LUC7L2: variants seen among roughly 807,000 people sequenced by gnomAD.
LUC7L2 encodes the protein putative RNA-binding protein Luc7-like 2.
A neutral mutation model predicts 52.8 loss-of-function variants in LUC7L2; 25 were observed. That is an observed-to-expected ratio of 0.47 (90% CI 0.34 to 0.66). LUC7L2 has a LOEUF of 0.66. LUC7L2 is among the 30% of genes least tolerant of loss of function. The pLI is 0.01. For missense variants in LUC7L2, 328 were observed against 497.8 expected (o/e 0.66, Z 3.25); for synonymous variants, 144 against 160.9 (o/e 0.89, Z 0.80).
intron 1 of LUC7L2, among the ~76,000 whole-genome samples, chr7:139,354,739 A>G (rs1239915750): frequency 6.6e-6 from 1 of 152,182 alleles, no homozygotes; most frequent in Middle Eastern, 3.2e-3. Context: ...GACTGAGAGA[A>G]AAAAAGTTTT....
chr7:139,345,546 C>T (rs770954743), intron 1 of LUC7L2: 12 of 1,614,148 alleles, frequency 7.4e-6, no homozygotes, highest in Non-Finnish European at 1.0e-5. Context: ...GCTTCATTTC[C>T]AAGCTGCCAC....
intron 1 of LUC7L2, among the ~76,000 whole-genome samples, chr7:139,360,698 T>G (rs1799831046): frequency 6.6e-6 from 1 of 152,182 alleles, no homozygotes; most frequent in African/African-American, 2.4e-5. Context: ...ATATAATTCC[T>G]TAACCCAGAG....
chr7:139,354,287 G>T (rs1799544418), intron 1 of LUC7L2, among the ~76,000 whole-genome samples: 1 of 152,132 alleles, frequency 6.6e-6, no homozygotes, highest in South Asian at 2.1e-4. Flanking sequence ...TGAAATGCTG[G>T]GTCAGAACAT....
chr7:139,348,926 T>C (rs1219619448), intron 1 of LUC7L2, among the ~76,000 whole-genome samples: 1 of 151,892 alleles, frequency 6.6e-6, no homozygotes, highest in Non-Finnish European at 1.5e-5. Context: ...TTTGGGAGGC[T>C]GAGGCAGGTA....
At chr7:139,382,194 T>C (rs1319971853) in intron 2 of LUC7L2, among the ~76,000 whole-genome samples, 1 of 151,946 alleles carries the variant, frequency 6.6e-6, no homozygotes, top group Non-Finnish European at 1.5e-5. Context: ...CCAGCTAGTT[T>C]TTGTATTTTT....
rs78285061 is a variant in LUC7L2 at position 139,406,663 on chromosome 7, G to T, written c.511-511G>T. ...GCCACCCGGCCTGGCCTGTTTTTTTGTTGTTGTTGTTTTTTAAAATACTTT... is the reference window on the plus strand; with the variant it reads ...GCCACCCGGCCTGGCCTGTTTTTTTTTTGTTGTTGTTTTTTAAAATACTTT... On this transcript the variant is annotated intron_variant, in intron 5 of 9. Transcript: ENST00000354926. Among the ~76,000 whole-genome samples the T allele has an allele frequency of 7.8e-3, 1,182 of 151,936 alleles. 9 individuals are homozygous for T. Among genetic ancestry groups the T allele is most frequent in the Non-Finnish European group, 0.013 (870 of 67,890 alleles).
chr7:139,343,099 G>C (rs4732366), intron 1 of LUC7L2, among the ~76,000 whole-genome samples: 35,939 of 151,958 alleles, frequency 0.24, 4,507 homozygotes, highest in Middle Eastern at 0.33. Flanking sequence ...GTCTATTGCT[G>C]ACCCTTTTGT....
In LUC7L2 at chr7:139,390,495, C is replaced by T. The variant is rs1051926478; in HGVS notation, c.157-8104C>T. ...CCACCTGCCTCGGCCTCCCAAAGTG[C>T]TGGGGTTACAGACATGAGCCACTGC... On this transcript the variant is annotated intron_variant, in intron 2 of 9. Transcript: ENST00000354926. Among the ~76,000 whole-genome samples the T allele has an allele frequency of 2.0e-5, 3 of 151,350 alleles. No homozygotes were observed. The East Asian group carries it at 5.8e-4, about 29-fold the overall frequency.
chr7:139,417,852 T>G (rs1223301422), intron 9 of LUC7L2, 123 bp downstream of exon 9: 1 of 1,320,168 alleles, frequency 7.6e-7, no homozygotes, highest in Non-Finnish European at 1.0e-6. Context: ...TCTGGTAATA[T>G]GTACACATTT....
chr7:139,420,031 C>T (rs1017100371), intron 9 of LUC7L2, among the ~76,000 whole-genome samples: 1 of 149,572 alleles, frequency 6.7e-6, no homozygotes, highest in Admixed American at 6.6e-5. Flanking sequence ...TCTCCTTTCC[C>T]TACTGTGAAA....
intron 2 of LUC7L2, among the ~76,000 whole-genome samples, chr7:139,385,912 A>G (rs937468286): frequency 3.5e-4 from 53 of 152,196 alleles, no homozygotes; most frequent in African/African-American, 1.3e-3. Context: ...CTCCGCAACT[A>G]TTTGTTGAAA....
rs543324900 is a variant in LUC7L2 at position 139,412,226 on chromosome 7, AAAAAAC to A, written c.780-313_780-308del. Among the ~76,000 whole-genome samples the A allele has an allele frequency of 4.7e-3, 717 of 151,920 alleles. 5 individuals are homozygous for A. The highest frequency in any genetic ancestry group is 0.016 in the African/African-American group (657 of 41,456). ...CAAAAAATGTAAAAATTAAAAAAAA[AAAAAAC>A]AAAAACAAAAAACAGAAAAAATCCG... is the stretch of plus-strand genomic sequence containing the variant. On this transcript the variant is annotated intron_variant, in intron 7 of 9. Coordinates refer to ENST00000354926, the MANE Select transcript of LUC7L2 (RefSeq NM_016019.5).
chr7:139,375,390 G>T, intron 1 of LUC7L2: 1 of 985,314 alleles, frequency 1.0e-6, no homozygotes, highest in Non-Finnish European at 1.2e-6. Context: ...ACCTTTGGAC[G>T]CATTAAAGTT....
At chr7:139,398,178 A>T (rs1050201148) in intron 2 of LUC7L2, among the ~76,000 whole-genome samples, 1 of 152,108 alleles carries the variant, frequency 6.6e-6, no homozygotes, top group Non-Finnish European at 1.5e-5. Context: ...GTTTTTGAGG[A>T]CTCCATCTTT....
intron 7 of LUC7L2, among the ~76,000 whole-genome samples, chr7:139,412,217 TAAA>T (rs374245116): frequency 8.0e-6 from 1 of 124,880 alleles, no homozygotes; most frequent in South Asian, 2.5e-4. Flanking sequence ...ATGTAAAAAT[TAAA>T]AAAAAAAAAA....
At chr7:139,364,321 C>T (rs1003196407) in intron 1 of LUC7L2, among the ~76,000 whole-genome samples, 2 of 151,956 alleles carry the variant, frequency 1.3e-5, no homozygotes, top group Non-Finnish European at 2.9e-5. Context: ...TTGCTTATAC[C>T]TTTAAATGGG....
At chr7:139,356,188 C>T (rs1799598418), upstream of LUC7L2, among the ~76,000 whole-genome samples, 1 of 151,564 alleles carries the variant, frequency 6.6e-6, no homozygotes, top group Non-Finnish European at 1.5e-5. Context: ...TGCATACCTG[C>T]AGTCCCAGCT....
chr7:139,364,393 CAAG>C (rs149899863), intron 1 of LUC7L2, among the ~76,000 whole-genome samples: 205 of 152,224 alleles, frequency 1.3e-3, no homozygotes, highest in African/African-American at 4.8e-3. Context: ...TCCAAAACAA[CAAG>C]TAGACTAGGA....
upstream of LUC7L2, among the ~76,000 whole-genome samples, chr7:139,356,345 G>C (rs1209012472): frequency 7.6e-6 from 1 of 130,956 alleles, no homozygotes; most frequent in African/African-American, 2.7e-5. Flanking sequence ...AAAAAAAAAG[G>C]AACCTCCAAC....
Sources: gnomAD v4.1 joint callset for allele counts (sites outside exome capture counted in the v4.1 genomes callset) on GRCh38, gnomAD v4.1.1 for gene constraint, MANE v1.5 for transcripts, NCBI Gene and HGNC (gene_info 2026-07-23, HGNC 2026-07-21) for gene names.